The following HMGXB4 variants were observed in gnomAD, a reference collection of about 807,000 sequenced individuals.
HMGXB4 encodes HMG domain-containing protein 4.
Under a neutral mutation model 63.9 loss-of-function variants are expected in HMGXB4, and 27 were observed. The observed-to-expected ratio is 0.42, with a 90% CI of 0.31 to 0.58. HMGXB4 has a LOEUF of 0.58. Ranked by LOEUF, HMGXB4 falls within the 20% of genes least tolerant of loss-of-function variation. The pLI is 0.13. For missense variants in HMGXB4, 624 were observed against 700.7 expected (o/e 0.89, Z 1.24); for synonymous variants, 264 against 265.3 (o/e 0.99, Z 0.05).
the HMGXB4 span, among the ~76,000 whole-genome samples, chr22:35,243,603 G>A: frequency 6.6e-6 from 1 of 151,572 alleles, no homozygotes; most frequent in Non-Finnish European, 1.5e-5. Context: ...GAGTGCAGTG[G>A]TGTGATCTCG....
the HMGXB4 span, among the ~76,000 whole-genome samples, chr22:35,250,464 A>G: frequency 0.06 from 9,061 of 152,190 alleles, 346 homozygotes; most frequent in African/African-American, 0.11. Flanking sequence ...TTCATTATGC[A>G]TATCTAGAGA....
chr22:35,255,407 T>C (rs1466207426), upstream of HMGXB4, among the ~76,000 whole-genome samples: 2 of 152,010 alleles, frequency 1.3e-5, no homozygotes, highest in Non-Finnish European at 2.9e-5. Flanking sequence ...CCCAGCTACT[T>C]GGGGGGCTGA....
chr22:35,280,503 G>A (rs1314094222), intron 5 of HMGXB4, among the ~76,000 whole-genome samples: 2 of 152,120 alleles, frequency 1.3e-5, no homozygotes, highest in Non-Finnish European at 2.9e-5. Flanking sequence ...CCAACCCACT[G>A]TCTTGATTGT....
At chr22:35,249,995 C>T in the HMGXB4 span, among the ~76,000 whole-genome samples, 1 of 98,042 alleles carries the variant, frequency 1.0e-5, no homozygotes, top group African/African-American at 2.6e-5. Context: ...TCCCAACCTT[C>T]CCTGAGAACT....
At chr22:35,273,349 A>G (rs1192603157) in intron 5 of HMGXB4, among the ~76,000 whole-genome samples, 1 of 152,226 alleles carries the variant, frequency 6.6e-6, no homozygotes, top group East Asian at 1.9e-4. Context: ...ACTCCGTGCC[A>G]TGATAGATCT....
chr22:35,263,670 T>C, intron 3 of HMGXB4, 126 bp from the exon 4 acceptor site: 6 of 683,612 alleles, frequency 8.8e-6, no homozygotes, highest in South Asian at 5.1e-5. Context: ...TAAAACGTTA[T>C]GCACATCTAT....
At chr22:35,291,219 A>G (rs1327140927) in intron 9 of HMGXB4, among the ~76,000 whole-genome samples, 2 of 152,126 alleles carry the variant, frequency 1.3e-5, no homozygotes, top group Admixed American at 6.5e-5. Flanking sequence ...CCGAGATCAC[A>G]CCACTGCACT....
chr22:35,251,463 A>T, the HMGXB4 span, among the ~76,000 whole-genome samples: 105 of 152,342 alleles, frequency 6.9e-4, no homozygotes, highest in African/African-American at 2.5e-3. Flanking sequence ...ATTCAGTGAC[A>T]TCTAATCAAA....
In HMGXB4 at chr22:35,265,310, G is replaced by A; in HGVS notation, c.922G>A (p.Val308Met). 6.2e-7 allele frequency: 1 copy of A among 1,614,032 alleles called. No individual in the cohort carries two copies. The highest frequency in any genetic ancestry group is 8.5e-7 in the Non-Finnish European group (1 of 1,180,010). ...SGGELEAGEL[V>M]IDDSYREIKK... ...TGGGGAACTAGAGGCTGGGGAGTTA[G>A]TGATAGATGATTCTTACCGAGAAAT... Residue 308 changes from valine to methionine, a missense_variant, in exon 5 of 11, where the codon GTG (valine) becomes ATG (methionine). This residue lies in a region of HMGXB4 where 472 missense variants were observed against 470.6 expected (regional missense o/e 1.00). Coordinates refer to ENST00000216106, the MANE Select transcript of HMGXB4 (RefSeq NM_001003681.3).
chr22:35,258,765 G>T (rs112717813), intron 1 of HMGXB4, among the ~76,000 whole-genome samples: 15 of 152,232 alleles, frequency 9.9e-5, no homozygotes, highest in Admixed American at 3.9e-4. Context: ...TCCTTTACCT[G>T]CACTGACTGG....
chr22:35,266,781 G>A (rs1027755936), intron 5 of HMGXB4, among the ~76,000 whole-genome samples: 6 of 152,086 alleles, frequency 3.9e-5, no homozygotes, highest in African/African-American at 7.2e-5. Flanking sequence ...CCAAGAGTTC[G>A]GGACCGGCCT....
At chr22:35,262,744 C>G (rs1380440347) in intron 2 of HMGXB4, 4 of 517,152 alleles carry the variant, frequency 7.7e-6, no homozygotes, top group African/African-American at 5.8e-5. Flanking sequence ...CCACAGAGAG[C>G]AGCACAGCAC....
chr22:35,273,485 T>G (rs915613261), intron 5 of HMGXB4, among the ~76,000 whole-genome samples: 1 of 152,270 alleles, frequency 6.6e-6, no homozygotes, highest in Admixed American at 6.5e-5. Context: ...AGGTGGTGCA[T>G]GTAACATGCT....
chr22:35,272,859 G>A lies in HMGXB4; in HGVS notation c.1215+7256G>A, dbSNP rs143471781. On this transcript the variant is annotated intron_variant, in intron 5 of 10. Coordinates refer to ENST00000216106, the MANE Select transcript of HMGXB4 (RefSeq NM_001003681.3). ...TGAGGCAGGAGAATCGCTTGAACCC[G>A]GGAGGCGGAGGTTGCAGTGAGCCAA... 5.1e-3 allele frequency among the ~76,000 whole-genome samples: 774 copies of A among 152,286 alleles called. 13 individuals are homozygous for A. The highest frequency in any genetic ancestry group is 0.018 in the African/African-American group (733 of 41,578).
intron 5 of HMGXB4, among the ~76,000 whole-genome samples, chr22:35,277,924 G>A (rs1423985139): frequency 6.6e-6 from 1 of 152,186 alleles, no homozygotes; most frequent in African/African-American, 2.4e-5. Flanking sequence ...TCCATTCTGT[G>A]GGTTTGGACA....
the HMGXB4 span, among the ~76,000 whole-genome samples, chr22:35,241,890 C>T: frequency 6.6e-6 from 1 of 152,162 alleles, no homozygotes; most frequent in South Asian, 2.1e-4. Flanking sequence ...CAATGCAAGC[C>T]TCAGCACGCT....
chr22:35,253,873 T>A (rs1922290729), upstream of HMGXB4, among the ~76,000 whole-genome samples: 1 of 152,138 alleles, frequency 6.6e-6, no homozygotes, highest in Non-Finnish European at 1.5e-5. Context: ...TTTCTACTGG[T>A]CTCTTTATTT....
chr22:35,241,968 T>C, the HMGXB4 span, among the ~76,000 whole-genome samples: 1 of 152,174 alleles, frequency 6.6e-6, no homozygotes, highest in Admixed American at 6.5e-5. Flanking sequence ...GCTAATATTT[T>C]ACTAAGGATG....
At chr22:35,278,227 A>G (rs1601636168) in intron 5 of HMGXB4, among the ~76,000 whole-genome samples, 1 of 152,168 alleles carries the variant, frequency 6.6e-6, no homozygotes, top group African/African-American at 2.4e-5. Context: ...TTGTCTAGAT[A>G]TACTACTACA....
Sources: allele counts gnomAD v4.1 joint callset (sites outside exome capture counted in the v4.1 genomes callset), GRCh38; gene constraint gnomAD v4.1.1; regional missense constraint gnomAD v4.1.1; transcripts MANE v1.5; gene names NCBI Gene and HGNC (gene_info 2026-07-23, HGNC 2026-07-21).